The following NSA2 variants were observed in gnomAD, a reference collection of about 807,000 sequenced individuals.
NSA2 encodes the protein NSA2 ribosome biogenesis factor.
Under a neutral mutation model 34.8 loss-of-function variants are expected in NSA2, and 18 were observed. That is an observed-to-expected ratio of 0.52 (90% CI 0.36 to 0.77). The LOEUF is 0.77. Ranked by LOEUF, NSA2 falls within the 30% of genes least tolerant of loss-of-function variation. The probability of loss-of-function intolerance (pLI) is 0.00; values close to 1 mark genes in which losing one functional copy is unlikely to be tolerated. For synonymous variants in NSA2, 79 were observed against 100.2 expected (o/e 0.79, Z 1.26); for missense variants, 188 against 314.7 (o/e 0.60, Z 3.05).
At chr5:74,774,255 T>C (rs1745038644) in intron 5 of NSA2, among the ~76,000 whole-genome samples, 195 bp downstream of exon 5, 1 of 152,244 alleles carries the variant, frequency 6.6e-6, no homozygotes, top group Admixed American at 6.5e-5. Flanking sequence ...TTTTAAAATT[T>C]AGCTTACTGG....
At position 74,772,124 on chromosome 5, in the gene NSA2, A is replaced by ATT. The variant is rs1188382017; in HGVS notation, c.522+1331_522+1332dup. Among the ~76,000 whole-genome samples, 161 of 137,000 alleles carry ATT rather than the reference A, an allele frequency of 1.2e-3. 2 individuals carry two copies. The highest frequency in any genetic ancestry group is 4.0e-3 in the Middle Eastern group (1 of 250). 89.9% of individuals were successfully genotyped at this position (137,000 alleles called of 152,430 possible). On this transcript the variant is annotated intron_variant, in intron 4 of 5. Transcript: ENST00000610426. ...ATAATCCTAGTGTTCAACCTGAGTA[A>ATT]TTTTTTTTTTTTTTTTTTGGGACGG... is the stretch of plus-strand genomic sequence containing the variant.
chr5:74,773,035 C>A (rs1744995964), intron 4 of NSA2, among the ~76,000 whole-genome samples: 1 of 152,138 alleles, frequency 6.6e-6, no homozygotes, highest in Non-Finnish European at 1.5e-5. Context: ...ACAGTCCACT[C>A]CTTTTTTCAT....
intron 1 of NSA2, among the ~76,000 whole-genome samples, chr5:74,767,688 A>T (rs2112404825): frequency 6.6e-6 from 1 of 152,214 alleles, no homozygotes; most frequent in South Asian, 2.1e-4. Context: ...GCCTAATGGG[A>T]ATATGGTTGT....
chr5:74,768,768 AAAATT>A (rs1744808807), intron 1 of NSA2, among the ~76,000 whole-genome samples, 158 bp from the exon 2 acceptor site: 2 of 152,220 alleles, frequency 1.3e-5, no homozygotes, highest in Admixed American at 6.5e-5. Context: ...ATTCAAGACC[AAAATT>A]TAACTTACAT....
chr5:74,769,908 G>T (rs557483593), intron 3 of NSA2, among the ~76,000 whole-genome samples: 23 of 152,262 alleles, frequency 1.5e-4, no homozygotes, highest in African/African-American at 4.6e-4. Flanking sequence ...TAAAACATCT[G>T]GTGAGGATTT....
intron 5 of NSA2, among the ~76,000 whole-genome samples, chr5:74,775,917 C>T (rs2112427026): frequency 6.6e-6 from 1 of 152,252 alleles, no homozygotes; most frequent in Middle Eastern, 3.4e-3. Flanking sequence ...TACTTCATGT[C>T]AGCTGACCTC....
intron 4 of NSA2, 68 bp downstream of exon 4, chr5:74,770,878 A>G (rs1393174421): frequency 8.4e-7 from 1 of 1,191,850 alleles, no homozygotes; most frequent in Non-Finnish European, 1.1e-6. Flanking sequence ...AAAGAACATT[A>G]TCATTTCCTG....
At chr5:74,772,163 A>C (rs1047527477) in intron 4 of NSA2, among the ~76,000 whole-genome samples, 12 of 140,194 alleles carry the variant, frequency 8.6e-5, no homozygotes, top group African/African-American at 3.0e-4. Flanking sequence ...CTCCCTCTGT[A>C]TCCCAGGCGG....
intron 4 of NSA2, among the ~76,000 whole-genome samples, chr5:74,771,114 C>G (rs975010285): frequency 6.6e-6 from 1 of 152,002 alleles, no homozygotes; most frequent in Non-Finnish European, 1.5e-5. Flanking sequence ...CCTATCTGTA[C>G]TAAAAAATAC....
rs1745186326 is a variant in NSA2 at position 74,777,606 on chromosome 5, A to C, written c.*935A>C. 2 of 151,944 alleles carry C rather than the reference A, an allele frequency of 1.3e-5. No individual in the cohort carries two copies. The highest frequency in any genetic ancestry group is 2.1e-4 in the South Asian group (1 of 4,830). The allele number at this position is 151,944 out of a possible 1,614,324, so 9.4% of individuals were successfully genotyped here. ...AAATTGTTTATTTTTTTTTTAAAGA[A>C]GTCTGTCTTCAGAGTACAACCAATG... On this transcript the variant is annotated 3_prime_UTR_variant, in exon 6 of 6. Coordinates refer to ENST00000610426, the MANE Select transcript of NSA2 (RefSeq NM_014886.6).
chr5:74,769,985 A>G (rs1047940882), intron 3 of NSA2, among the ~76,000 whole-genome samples: 8 of 152,078 alleles, frequency 5.3e-5, no homozygotes, highest in African/African-American at 1.9e-4. Context: ...AGGTGGAAAC[A>G]CTCTTCCAGT....
Position 74,770,723 on chromosome 5 carries a change from A to G in NSA2, c.435A>G (p.Ala145=), listed in dbSNP as rs1744892457. The change falls in exon 4 of 6, where the codon GCA becomes GCG. Residue 145 remains alanine (A), a synonymous_variant. Transcript: ENST00000610426. The part of the protein sequence containing the change: ...VIRTGKRKKK[A]WKRMVTKVCF... ...GAACAGGAAAGAGAAAGAAGAAGGCATGGAAGAGAATGGTTACTAAAGTGT... is the reference window on the plus strand; with the variant it reads ...GAACAGGAAAGAGAAAGAAGAAGGCGTGGAAGAGAATGGTTACTAAAGTGT... 1 of 1,613,628 alleles carries G rather than the reference A, an allele frequency of 6.2e-7. No homozygotes were observed. Among genetic ancestry groups the G allele is most frequent in the Non-Finnish European group, 8.5e-7 (1 of 1,179,664 alleles).
intron 1 of NSA2, 146 bp from the exon 2 acceptor site, chr5:74,768,785 A>G: frequency 1.7e-6 from 1 of 600,882 alleles, no homozygotes; most frequent in East Asian, 3.2e-5. Context: ...AACTTACATC[A>G]TGTGAATAAA....
intron 4 of NSA2, 57 bp from the exon 5 acceptor site, chr5:74,773,811 C>T: frequency 1.4e-6 from 2 of 1,396,614 alleles, no homozygotes; most frequent in Admixed American, 4.1e-5. Flanking sequence ...ACGACCACTA[C>T]TCATCACTGT....
At position 74,773,974 on chromosome 5, in the gene NSA2, C is replaced by T. The variant is rs1015063954; in HGVS notation, c.629C>T (p.Thr210Ile). The change falls in exon 5 of 6, where the codon ACT (threonine) becomes ATT (isoleucine). Residue 210 changes from threonine (T) to isoleucine (I), a missense_variant. Physicochemically the swap from Thr to Ile is moderately conservative, Grantham distance 89. Transcript: ENST00000610426. Reference sequence around the variant, plus strand: ...AATCCCTCATCCCCACTGTATACAACTTTGGGTGTTATTACCAAAGGTACT... The same window carrying T: ...AATCCCTCATCCCCACTGTATACAATTTTGGGTGTTATTACCAAAGGTACT... ...KKNPSSPLYT[T>I]LGVITKGTVI... 1.9e-6 allele frequency: 3 copies of T among 1,614,066 alleles called. No individual in the cohort carries two copies. The highest frequency in any genetic ancestry group is 2.5e-6 in the Non-Finnish European group (3 of 1,179,952).
rs1004258726 is a variant in NSA2 at position 74,779,551 on chromosome 5, T to C, written c.*2880T>C. On this transcript the variant is annotated 3_prime_UTR_variant, in exon 6 of 6. Transcript: ENST00000610426. ...TAACAGAGTATTTCCCTTTGTGATATTGACAGAAGTTTCTCATAAAATGTA... is the reference window on the plus strand; with the variant it reads ...TAACAGAGTATTTCCCTTTGTGATACTGACAGAAGTTTCTCATAAAATGTA... The C allele has an allele frequency of 1.3e-4, 20 of 152,054 alleles. No homozygotes were observed. The highest frequency in any genetic ancestry group is 2.0e-4 in the Admixed American group (3 of 15,268). 9.4% of individuals were successfully genotyped at this position (152,054 alleles called of 1,614,324 possible).
At position 74,776,723 on chromosome 5, in the gene NSA2, C is replaced by T. The variant is rs1247477376; in HGVS notation, c.*52C>T. On this transcript the variant is annotated 3_prime_UTR_variant, in exon 6 of 6. Transcript: ENST00000610426. Reference sequence around the variant, plus strand: ...GACTACACACCAATTGAAGAAACTGCCATTACTGTGATGTTTCTGAATACT... The same window carrying T: ...GACTACACACCAATTGAAGAAACTGTCATTACTGTGATGTTTCTGAATACT... 2.2e-6 allele frequency: 2 copies of T among 896,948 alleles called. No individual in the cohort carries two copies. The highest frequency in any genetic ancestry group is 1.9e-6 in the Non-Finnish European group (1 of 531,944). The allele number at this position is 896,948 out of a possible 1,614,324, so 55.6% of individuals were successfully genotyped here.
chr5:74,775,314 C>T (rs753155362), intron 5 of NSA2, among the ~76,000 whole-genome samples: 11 of 151,932 alleles, frequency 7.2e-5, no homozygotes, highest in Non-Finnish European at 1.6e-4. Flanking sequence ...AGCTTCCAGG[C>T]TTTAAAAAGC....
At position 74,776,467 on chromosome 5, in the gene NSA2, C is replaced by T. The variant is rs563754441; in HGVS notation, c.716-137C>T. 2.4e-4 allele frequency: 147 copies of T among 600,696 alleles called. No homozygotes were observed. In the African/African-American group the frequency reaches 2.5e-3, roughly 10 times the overall value. The allele number at this position is 600,696 out of a possible 1,614,324, so 37.2% of individuals were successfully genotyped here. A position where few individuals can be genotyped will look rare whatever the true frequency, so the allele number is the denominator to read the frequency against. On this transcript the variant is annotated intron_variant, in intron 5 of 5. Transcript: ENST00000610426. ...TGCAGTGAGCCAGATCACGCCACCA[C>T]ACTGCAGCCTGGGGAATAAGAGTGA... is the stretch of plus-strand genomic sequence containing the variant.
Sources: allele counts gnomAD v4.1 joint callset (sites outside exome capture counted in the v4.1 genomes callset), GRCh38; gene constraint gnomAD v4.1.1; transcripts MANE v1.5; gene names NCBI Gene and HGNC (gene_info 2026-07-23, HGNC 2026-07-21).